The following ARID5B variants were observed in gnomAD, a reference collection of about 807,000 sequenced individuals.
The protein encoded by ARID5B is AT-rich interactive domain-containing protein 5B.
Under a neutral mutation model 97.2 loss-of-function variants are expected in ARID5B, and 13 were observed. The ratio of observed to expected loss-of-function variants is 0.13; its 90% confidence interval spans 0.09 to 0.21. The LOEUF (loss-of-function observed/expected upper bound fraction) is 0.21. ARID5B is among the 10% of genes least tolerant of loss of function. The pLI is 1.00. For missense variants in ARID5B, 1,210 were observed against 1,465.3 expected, an observed-to-expected ratio of 0.83 and a Z score of 2.84; for synonymous variants, 556 against 570.3, an observed-to-expected ratio of 0.97 and a Z score of 0.36.
rs1011329966 is a variant in ARID5B, at chr10:61,941,297, CT to C, written c.502+900del. 1.5e-3 allele frequency among the ~76,000 whole-genome samples: 213 copies of C among 143,478 alleles called. 1 individual carries two copies. The highest frequency in any genetic ancestry group is 2.9e-3 in the African/African-American group (115 of 39,304). The allele number at this position is 143,478 out of a possible 152,430, so 94.1% of individuals were successfully genotyped here. On this transcript the variant is annotated intron_variant, in intron 3 of 9. Coordinates refer to ENST00000279873, the MANE Select transcript of ARID5B (RefSeq NM_032199.3). Reference sequence around the variant, plus strand: ...AGTGACATTTTGTGTCCTTTCATTGCTTTTTTTTTTTCTTCTGTTTGTATTC... The same window carrying C: ...AGTGACATTTTGTGTCCTTTCATTGCTTTTTTTTTTCTTCTGTTTGTATTC...
chr10:61,956,888 G>A (rs532171129), intron 3 of ARID5B, among the ~76,000 whole-genome samples: 33 of 152,238 alleles, frequency 2.2e-4, no homozygotes, highest in East Asian at 1.5e-3. Flanking sequence ...AACAATTTGC[G>A]GGTATTCCTC....
chr10:61,929,241 A>G (rs991453435), intron 2 of ARID5B, among the ~76,000 whole-genome samples: 19 of 152,200 alleles, frequency 1.2e-4, no homozygotes, highest in African/African-American at 4.6e-4. Flanking sequence ...TGTTCCCAAC[A>G]TTTATCATGT....
At chr10:62,064,940 G>A (rs6479783) in intron 7 of ARID5B, among the ~76,000 whole-genome samples, 145,087 of 152,020 alleles carry the variant, frequency 0.95, 69,634 homozygotes, top group East Asian at 1. Context: ...CGCCTGGCTA[G>A]TTTTTGTGTT....
chr10:62,085,965 G>A, intron 9 of ARID5B, 65 bp downstream of exon 9: 1 of 1,519,282 alleles, frequency 6.6e-7, no homozygotes, highest in Admixed American at 2.0e-5. Flanking sequence ...TCCTTCTGGA[G>A]CCCTGAATCC....
rs1395508594 is a variant in ARID5B, at chr10:62,091,967, C to G, written c.2504C>G (p.Pro835Arg). 1 of 1,613,558 alleles carries G rather than the reference C, an allele frequency of 6.2e-7. No individual in the cohort carries two copies. The highest frequency in any genetic ancestry group is 8.5e-7 in the Non-Finnish European group (1 of 1,179,890). The change falls in exon 10 of 10, where the codon CCT (proline) becomes CGT (arginine). Residue 835 changes from proline to arginine, a missense_variant. Physicochemically the swap from Pro to Arg is moderately radical, Grantham distance 103. Coordinates refer to ENST00000279873, the MANE Select transcript of ARID5B (RefSeq NM_032199.3). Reference protein sequence around the residue: ...PSFLADFYSSPHLHSLYRHTE... With the variant: ...PSFLADFYSSRHLHSLYRHTE... ...TTCCTGGCTGACTTCTACTCGTCCC[C>G]TCATCTCCATAGCCTCTACAGACAC...
chr10:61,901,823 C>A, intron 1 of ARID5B, 93 bp downstream of exon 1: 1 of 1,035,234 alleles, frequency 9.7e-7, no homozygotes, highest in Non-Finnish European at 1.5e-6. Context: ...ACCCACACCC[C>A]CCACAAACTT....
chr10:61,974,758 T>G (rs1246390068), intron 3 of ARID5B, among the ~76,000 whole-genome samples: 1 of 152,254 alleles, frequency 6.6e-6, no homozygotes, highest in Non-Finnish European at 1.5e-5. Flanking sequence ...TCATGACTAG[T>G]GCTTGGCTGC....
chr10:61,980,799 C>T (rs758104939), intron 3 of ARID5B, among the ~76,000 whole-genome samples: 48 of 152,170 alleles, frequency 3.2e-4, no homozygotes, highest in Non-Finnish European at 5.3e-4. Context: ...AGGTTTTGTG[C>T]TGACCCTGAA....
intron 3 of ARID5B, among the ~76,000 whole-genome samples, chr10:61,966,732 TG>T (rs1244364439): frequency 6.6e-6 from 1 of 152,206 alleles, no homozygotes; most frequent in African/African-American, 2.4e-5. Flanking sequence ...GAAATCTTCC[TG>T]GTTCTTCTGA....
chr10:62,070,597 T>TC (rs1280268349), intron 8 of ARID5B, among the ~76,000 whole-genome samples: 2 of 152,200 alleles, frequency 1.3e-5, no homozygotes, highest in Non-Finnish European at 2.9e-5. Flanking sequence ...GTCCTTTTTT[T>TC]CCAAGTTCAA....
chr10:62,069,303 A>G (rs561766618), intron 7 of ARID5B, among the ~76,000 whole-genome samples: 6 of 152,332 alleles, frequency 3.9e-5, no homozygotes, highest in African/African-American at 1.2e-4. Flanking sequence ...GCCTCAGGCA[A>G]TGTTAATGTT....
chr10:62,018,160 C>A (rs776840376), intron 4 of ARID5B, among the ~76,000 whole-genome samples: 8 of 152,122 alleles, frequency 5.3e-5, no homozygotes, highest in Non-Finnish European at 1.0e-4. Flanking sequence ...GACAGAGGCC[C>A]CACTATGTAG....
At chr10:61,958,770 T>C (rs1838429036) in intron 3 of ARID5B, among the ~76,000 whole-genome samples, 1 of 152,230 alleles carries the variant, frequency 6.6e-6, no homozygotes, top group Admixed American at 6.5e-5. Context: ...CTGACCTTTT[T>C]GTTGTCTCCG....
At chr10:62,074,365 A>G (rs980321717) in intron 8 of ARID5B, among the ~76,000 whole-genome samples, 1 of 152,186 alleles carries the variant, frequency 6.6e-6, no homozygotes, top group African/African-American at 2.4e-5. Flanking sequence ...CATTCCTTGG[A>G]CAAGATTGTC....
intron 2 of ARID5B, among the ~76,000 whole-genome samples, chr10:61,912,616 A>G (rs1483865730): frequency 6.6e-6 from 1 of 151,594 alleles, no homozygotes; most frequent in Non-Finnish European, 1.5e-5. Context: ...GAGAAAATAA[A>G]AGTATATATA....
chr10:61,968,579 A>T (rs1452564983), intron 3 of ARID5B, among the ~76,000 whole-genome samples: 1 of 152,218 alleles, frequency 6.6e-6, no homozygotes, highest in Non-Finnish European at 1.5e-5. Context: ...TTACTGGTAC[A>T]GTTCCGTGCT....
rs1020717049 is a variant in ARID5B at position 62,019,128 on chromosome 10, A to C, written c.733+18807A>C. Among the ~76,000 whole-genome samples, 9 of 152,322 alleles carry C rather than the reference A, an allele frequency of 5.9e-5. 2 individuals are homozygous for C. The highest frequency in any genetic ancestry group is 5.9e-4 in the Admixed American group (9 of 15,298). On this transcript the variant is annotated intron_variant, in intron 4 of 9. Transcript: ENST00000279873. The stretch of plus-strand genomic sequence containing the variant: ...CTGGATTCAGCAATTATTGTGAATA[A>C]GAACCTTGCAGCTAGGGTGAGTGCC...
Position 62,004,032 on chromosome 10 carries a change from A to T in ARID5B, c.733+3711A>T, listed in dbSNP as rs558288594. On this transcript the variant is annotated intron_variant, in intron 4 of 9. Coordinates refer to ENST00000279873, the MANE Select transcript of ARID5B (RefSeq NM_032199.3). ...TAGAATAGATGAAATTTCATCATTT[A>T]GTCCAACATTACAGTAGTGTCATTT... Among the ~76,000 whole-genome samples, 17 of 152,374 alleles carry T rather than the reference A, an allele frequency of 1.1e-4. No homozygotes were observed. The East Asian group carries it at 3.1e-3, about 28-fold the overall frequency.
In ARID5B at chr10:61,924,227, C is replaced by T. The variant is rs571826397; in HGVS notation, c.277-15956C>T. Among the ~76,000 whole-genome samples the T allele has an allele frequency of 5.3e-5, 8 of 152,322 alleles. No homozygotes were observed. In the South Asian group the frequency reaches 1.7e-3, roughly 32 times the overall value. ...TCCCCGAGGAGGCAAAAGAGTTGGACTCAGGCGGTTGTAGTTGCTTGAGTC... is the reference window on the plus strand; with the variant it reads ...TCCCCGAGGAGGCAAAAGAGTTGGATTCAGGCGGTTGTAGTTGCTTGAGTC... On this transcript the variant is annotated intron_variant, in intron 2 of 9. Transcript: ENST00000279873.
Sources: gnomAD v4.1 joint callset for allele counts (sites outside exome capture counted in the v4.1 genomes callset) on GRCh38, gnomAD v4.1.1 for gene constraint, MANE v1.5 for transcripts, NCBI Gene and HGNC (gene_info 2026-07-23, HGNC 2026-07-21) for gene names.